CAMK2D: variants seen among roughly 807,000 people sequenced by gnomAD.
CAMK2D encodes the protein calcium/calmodulin-dependent protein kinase type II subunit delta.
CAMK2D carries 37 observed loss-of-function variants against 84.0 expected under a neutral mutation model. The observed-to-expected ratio is 0.44, with a 90% CI of 0.34 to 0.58. CAMK2D has a LOEUF of 0.58. CAMK2D is among the 20% of genes least tolerant of loss of function. CAMK2D has a pLI of 0.02. For synonymous variants in CAMK2D, 202 were observed against 212.5 expected, an observed-to-expected ratio of 0.95 and a Z score of 0.43; for missense variants, 448 against 652.5, an observed-to-expected ratio of 0.69 and a Z score of 3.41.
intron 3 of CAMK2D, among the ~76,000 whole-genome samples, chr4:113,611,065 C>A (rs930198246): frequency 6.9e-6 from 1 of 145,062 alleles, no homozygotes; most frequent in Non-Finnish European, 1.5e-5. Flanking sequence ...CACACACACA[C>A]ACACACACAC....
At chr4:113,492,087 A>T (rs1564599429) in intron 16 of CAMK2D, among the ~76,000 whole-genome samples, 1 of 152,044 alleles carries the variant, frequency 6.6e-6, no homozygotes, top group Non-Finnish European at 1.5e-5. Context: ...CCTTTCAAAA[A>T]ACCAGCTCCT....
chr4:113,733,453 T>C (rs1441782458), intron 2 of CAMK2D, among the ~76,000 whole-genome samples: 1 of 152,232 alleles, frequency 6.6e-6, no homozygotes, highest in Non-Finnish European at 1.5e-5. Context: ...AAATCCTTTT[T>C]TAATTGCTAA....
At chr4:113,463,732 C>T (rs1297553831) in intron 17 of CAMK2D, among the ~76,000 whole-genome samples, 1 of 152,084 alleles carries the variant, frequency 6.6e-6, no homozygotes, top group South Asian at 2.1e-4. Flanking sequence ...TCTTTTAAGT[C>T]CTGCTTAATT....
intron 4 of CAMK2D, among the ~76,000 whole-genome samples, chr4:113,589,151 G>C (rs1377192850): frequency 1.3e-5 from 2 of 152,040 alleles, no homozygotes; most frequent in African/African-American, 4.8e-5. Flanking sequence ...GAGAGCAGTA[G>C]GCAATGTGGC....
At chr4:113,543,216 A>G (rs1449367537) in intron 6 of CAMK2D, among the ~76,000 whole-genome samples, 1 of 152,220 alleles carries the variant, frequency 6.6e-6, no homozygotes, top group Non-Finnish European at 1.5e-5. Flanking sequence ...ATGAGAAAAT[A>G]TATCTGATCT....
chr4:113,593,641 T>C (rs1467817373), intron 4 of CAMK2D, among the ~76,000 whole-genome samples: 6 of 152,208 alleles, frequency 3.9e-5, no homozygotes, highest in Non-Finnish European at 7.4e-5. Context: ...CTTTGAAATA[T>C]GGCAGAGAAT....
At chr4:113,473,369 CTTGT>C (rs1453541715) in intron 16 of CAMK2D, among the ~76,000 whole-genome samples, 2 of 152,162 alleles carry the variant, frequency 1.3e-5, no homozygotes, top group African/African-American at 4.8e-5. Flanking sequence ...CAATTAGCGG[CTTGT>C]TTCTCTGTGA....
chr4:113,521,243 C>A (rs2098354798), intron 8 of CAMK2D, among the ~76,000 whole-genome samples: 1 of 152,166 alleles, frequency 6.6e-6, no homozygotes, highest in Non-Finnish European at 1.5e-5. Flanking sequence ...TTTTGATTAT[C>A]ATTATCAATT....
intron 13 of CAMK2D, 62 bp from the exon 14 acceptor site, chr4:113,505,097 A>G: frequency 1.1e-6 from 1 of 935,642 alleles, no homozygotes; most frequent in Admixed American, 2.2e-5. Context: ...CAATGTCTCT[A>G]GATGCAGCAT....
intron 2 of CAMK2D, among the ~76,000 whole-genome samples, chr4:113,719,786 A>C (rs1195880724): frequency 6.6e-6 from 1 of 152,190 alleles, no homozygotes; most frequent in Non-Finnish European, 1.5e-5. Flanking sequence ...AATTAAATAA[A>C]AGAATAATGA....
intron 3 of CAMK2D, among the ~76,000 whole-genome samples, chr4:113,611,727 AGGAGTTACTGT>A (rs372911866): frequency 0.12 from 17,703 of 152,238 alleles, 1,304 homozygotes; most frequent in East Asian, 0.19. Flanking sequence ...TGAACAAGTC[AGGAGTTACTGT>A]TCAGATGGAA....
intron 2 of CAMK2D, among the ~76,000 whole-genome samples, chr4:113,741,594 C>T (rs948153073): frequency 2.4e-4 from 37 of 152,164 alleles, no homozygotes; most frequent in Admixed American, 2.6e-4. Flanking sequence ...CTACTATAGT[C>T]TTGCTTTCAC....
rs867261476 is a variant in CAMK2D at position 113,603,480 on chromosome 4, C to T, written c.275+5672G>A. On this transcript the variant is annotated intron_variant, in intron 4 of 20. Coordinates refer to ENST00000511664, the MANE Select transcript of CAMK2D (RefSeq NM_001321571.2). Reference sequence around the variant, plus strand: ...GAAATCATCATTCTCAGTAAACTATCGCAAGAACAAAAAACCAAACACCGC... The same window carrying T: ...GAAATCATCATTCTCAGTAAACTATTGCAAGAACAAAAAACCAAACACCGC... 3.8e-4 allele frequency among the ~76,000 whole-genome samples: 54 copies of T among 143,712 alleles called. 1 individual carries two copies. Among genetic ancestry groups the T allele is most frequent in the Admixed American group, 2.2e-3 (31 of 14,112 alleles). The allele number at this position is 143,712 out of a possible 152,430, so 94.3% of individuals were successfully genotyped here. A position where few individuals can be genotyped will look rare whatever the true frequency, so the allele number is the denominator to read the frequency against.
chr4:113,695,630 A>G (rs1425924463), intron 2 of CAMK2D, among the ~76,000 whole-genome samples: 1 of 152,102 alleles, frequency 6.6e-6, no homozygotes, highest in African/African-American at 2.4e-5. Flanking sequence ...CTTTCAAAAT[A>G]TAACCAGAAT....
At chr4:113,497,733 C>T (rs926334755) in intron 16 of CAMK2D, among the ~76,000 whole-genome samples, 1 of 152,194 alleles carries the variant, frequency 6.6e-6, no homozygotes, top group Non-Finnish European at 1.5e-5. Context: ...AGAATGTGCA[C>T]TGCCTTGGTA....
intron 2 of CAMK2D, among the ~76,000 whole-genome samples, chr4:113,693,559 C>T (rs1479966460): frequency 6.6e-6 from 1 of 152,082 alleles, no homozygotes; most frequent in Non-Finnish European, 1.5e-5. Context: ...CCCTGTTTCC[C>T]TTCTCTTTGT....
At chr4:113,463,085 C>T (rs1304862196) in intron 17 of CAMK2D, among the ~76,000 whole-genome samples, 1 of 152,134 alleles carries the variant, frequency 6.6e-6, no homozygotes, top group East Asian at 1.9e-4. Flanking sequence ...AATGGATACA[C>T]TCATACATAA....
At chr4:113,720,693 A>G (rs375689963) in intron 2 of CAMK2D, among the ~76,000 whole-genome samples, 115 of 146,254 alleles carry the variant, frequency 7.9e-4, no homozygotes, top group African/African-American at 3.1e-3. Flanking sequence ...AATTTTAACA[A>G]TAGAAATCAT....
At chr4:113,729,489 C>T (rs112369749) in intron 2 of CAMK2D, among the ~76,000 whole-genome samples, 2 of 151,264 alleles carry the variant, frequency 1.3e-5, no homozygotes, top group African/African-American at 4.9e-5. Flanking sequence ...TTGCACTTGC[C>T]ATTTCTTTTG....
Sources: gnomAD v4.1 joint callset for allele counts (sites outside exome capture counted in the v4.1 genomes callset) on GRCh38, gnomAD v4.1.1 for gene constraint, MANE v1.5 for transcripts, NCBI Gene and HGNC (gene_info 2026-07-23, HGNC 2026-07-21) for gene names.